AZU1: variants seen among roughly 807,000 people sequenced by gnomAD.
AZU1 encodes the protein azurocidin 1.
In AZU1, 21 loss-of-function variants were observed where a neutral mutation model predicts 17.8. The ratio of observed to expected loss-of-function variants is 1.18; its 90% confidence interval spans 0.84 to 1.70. The LOEUF is 1.70. AZU1 is among the 40% of genes most tolerant of loss of function. AZU1 has a pLI of 0.00. For missense variants in AZU1, 379 were observed against 362.9 expected, an observed-to-expected ratio of 1.04 and a Z score of -0.36; for synonymous variants, 178 against 155.2, an observed-to-expected ratio of 1.15 and a Z score of -1.09.
chr19:828,408 G>A (rs766699351), intron 2 of AZU1, 22 bp downstream of exon 2: 56 of 1,526,388 alleles, frequency 3.7e-5, no homozygotes, highest in Non-Finnish European at 4.7e-5. Flanking sequence ...TGGGGAGGGG[G>A]CCTAGGGGGC....
rs1007424289 is a variant in AZU1 at position 831,375 on chromosome 19, G to C, written c.595-341G>C. On this transcript the variant is annotated intron_variant, in intron 4 of 4. Coordinates refer to ENST00000233997, the MANE Select transcript of AZU1 (RefSeq NM_001700.5). ...TAACAGGCATGAGCCACCGTGCCTGGCTGAGAAACAGTAGCTATCAAACGC... is the reference window on the plus strand; with the variant it reads ...TAACAGGCATGAGCCACCGTGCCTGCCTGAGAAACAGTAGCTATCAAACGC... 10 of 354,962 alleles carry C rather than the reference G, an allele frequency of 2.8e-5. No individual in the cohort carries two copies. The Admixed American group carries it at 3.9e-4, about 14-fold the overall frequency. The allele number at this position is 354,962 out of a possible 1,614,324, so 22.0% of individuals were successfully genotyped here.
chr19:828,645 G>T (rs553893764), intron 2 of AZU1, among the ~76,000 whole-genome samples: 1 of 147,454 alleles, frequency 6.8e-6, no homozygotes, highest in East Asian at 2.0e-4. Context: ...GAAAGGAAGA[G>T]GCTCAGATGG....
chr19:831,689 G>T lies in AZU1; in HGVS notation c.595-27G>T, dbSNP rs368865900. 8 of 1,565,156 alleles carry T rather than the reference G, an allele frequency of 5.1e-6. No homozygotes were observed. The African/African-American group carries it at 1.1e-4, about 21-fold the overall frequency. The stretch of plus-strand genomic sequence containing the variant: ...TGGCGTGGGAGCCAGGCCCTGGGAC[G>T]CCCTGACACAGCTGCTGCCTGCCCA... On this transcript the variant is annotated intron_variant, in intron 4 of 4. Coordinates refer to ENST00000233997, the MANE Select transcript of AZU1 (RefSeq NM_001700.5).
Position 831,815 on chromosome 19 carries a change from GT to G in AZU1, c.695del (p.Val232GlyfsTer?), listed in dbSNP as rs372854624. On this transcript the variant is annotated frameshift_variant, in exon 5 of 5. Coordinates refer to ENST00000233997, the MANE Select transcript of AZU1 (RefSeq NM_001700.5). LOFTEE classifies it low-confidence loss of function (END_TRUNC). ...CCGAGGCCCTGACTTCTTCACCCGA[GT>G]GGCGCTCTTCCGAGACTGGATCGAT... ...CGRGPDFFTRVALFRDWIDGV... is the reference protein window; with the variant it reads ...CGRGPDFFTRXALFRDWIDGV... The G allele has an allele frequency of 9.1e-3, 14,702 of 1,612,678 alleles. 78 individuals are homozygous for G. The highest frequency in any genetic ancestry group is 0.011 in the Non-Finnish European group (12,879 of 1,179,798).
At chr19:831,595 C>A in intron 4 of AZU1, 121 bp from the exon 5 acceptor site, 3 of 1,149,700 alleles carry the variant, frequency 2.6e-6, no homozygotes, top group Non-Finnish European at 3.6e-6. Context: ...AAGAGCCATG[C>A]AAAGGCCCTG....
At chr19:830,583 G>C (rs1303140752) in intron 3 of AZU1, 125 bp from the exon 4 acceptor site, 3 of 868,698 alleles carry the variant, frequency 3.5e-6, no homozygotes, top group Non-Finnish European at 5.1e-6. Flanking sequence ...CCCGGCCCCT[G>C]CCGGGAATTA....
intron 1 of AZU1, 137 bp downstream of exon 1, chr19:828,041 G>A (rs1490437151): frequency 1.3e-5 from 18 of 1,397,502 alleles, no homozygotes; most frequent in East Asian, 7.5e-5. Flanking sequence ...ACGATCCCGC[G>A]AAAGGCGTGA....
intron 1 of AZU1, 85 bp downstream of exon 1, chr19:827,989 G>C: frequency 6.6e-7 from 1 of 1,510,716 alleles, no homozygotes; most frequent in Non-Finnish European, 8.9e-7. Flanking sequence ...GCACAGAGAA[G>C]GCAAGCGGCT....
At chr19:829,753 C>G in intron 3 of AZU1, 47 bp downstream of exon 3, 1 of 1,591,906 alleles carries the variant, frequency 6.3e-7, no homozygotes, top group Non-Finnish European at 8.6e-7. Context: ...GGGAGGCCGA[C>G]GTTAGCCAGG....
intron 2 of AZU1, among the ~76,000 whole-genome samples, chr19:829,273 G>T (rs1265207842): frequency 1.2e-4 from 18 of 150,698 alleles, no homozygotes; most frequent in Non-Finnish European, 1.8e-4. Context: ...GAGAAGGGGA[G>T]GGGGTCAGAT....
chr19:830,664 C>T (rs1422446798), intron 3 of AZU1, 44 bp from the exon 4 acceptor site: 1 of 1,485,784 alleles, frequency 6.7e-7, no homozygotes, highest in Non-Finnish European at 9.0e-7. Flanking sequence ...CATGAGGCTC[C>T]AGTCCCCAGG....
intron 3 of AZU1, 91 bp from the exon 4 acceptor site, chr19:830,617 A>C: frequency 9.0e-7 from 1 of 1,111,424 alleles, no homozygotes; most frequent in Non-Finnish European, 1.3e-6. Flanking sequence ...TACAGACTAC[A>C]GTTAATGTCG....
At chr19:828,407 G>T in intron 2 of AZU1, 21 bp downstream of exon 2, 1 of 1,533,016 alleles carries the variant, frequency 6.5e-7, no homozygotes, top group Non-Finnish European at 8.8e-7. Flanking sequence ...CTGGGGAGGG[G>T]GCCTAGGGGG....
Position 830,907 on chromosome 19 carries a change from C to T in AZU1, c.560C>T (p.Thr187Ile). ...EDQCRPNNVCTGVLTRRGGIC... is the reference protein window; with the variant it reads ...EDQCRPNNVCIGVLTRRGGIC... ...CAGTGTCGCCCCAACAACGTGTGCA[C>T]CGGTGTGCTCACCCGCCGCGGTGGC... Residue 187 changes from threonine to isoleucine, a missense_variant, in exon 4 of 5, where the codon ACC becomes ATC. Transcript: ENST00000233997. The T allele has an allele frequency of 2.5e-6, 4 of 1,603,972 alleles. No individual in the cohort carries two copies. The highest frequency in any genetic ancestry group is 1.1e-5 in the South Asian group (1 of 91,066).
intron 1 of AZU1, 63 bp downstream of exon 1, chr19:827,967 C>T: frequency 6.5e-7 from 1 of 1,529,868 alleles, no homozygotes; most frequent in Non-Finnish European, 8.8e-7. Context: ...CAGGGCAGAA[C>T]TCAGACTTAA....
At chr19:830,482 G>C (rs373858774) in intron 3 of AZU1, among the ~76,000 whole-genome samples, 2 of 152,304 alleles carry the variant, frequency 1.3e-5, no homozygotes, top group African/African-American at 4.8e-5. Flanking sequence ...GTTTCACCTT[G>C]TTGGCCAGTT....
intron 3 of AZU1, 148 bp from the exon 4 acceptor site, chr19:830,560 G>A (rs865855072): frequency 4.7e-5 from 33 of 696,200 alleles, no homozygotes; most frequent in Admixed American, 1.9e-4. Context: ...GAATACAGGC[G>A]TGAGCCACCG....
rs764221987 is a variant in AZU1, at chr19:831,876, A to AG, written c.*5dup. 21 of 1,610,754 alleles carry AG rather than the reference A, an allele frequency of 1.3e-5. No homozygotes were observed. The highest frequency in any genetic ancestry group is 1.7e-4 in the Middle Eastern group (1 of 6,044). ...VLNNPGPGPA[*] is the part of the protein sequence containing the mutation. The stretch of plus-strand genomic sequence containing the variant: ...AACAACCCGGGACCGGGGCCAGCCT[A>AG]GGGGGGCCTGTGACCTCCCATGGAG... The change falls in exon 5 of 5, where the codon TAG becomes TAGG. Residue 252 remains the stop codon, a frameshift_variant and stop_retained_variant. Coordinates refer to ENST00000233997, the MANE Select transcript of AZU1 (RefSeq NM_001700.5). LOFTEE classifies it high-confidence loss of function.
At chr19:827,974 T>C in intron 1 of AZU1, 70 bp downstream of exon 1, 1 of 1,525,766 alleles carries the variant, frequency 6.6e-7, no homozygotes, top group Non-Finnish European at 8.8e-7. Flanking sequence ...GAACTCAGAC[T>C]TAAAGCACAG....
Sources: allele counts gnomAD v4.1 joint callset (sites outside exome capture counted in the v4.1 genomes callset), GRCh38; gene constraint gnomAD v4.1.1; transcripts MANE v1.5; gene names NCBI Gene and HGNC (gene_info 2026-07-23, HGNC 2026-07-21).